The following CCDC88A variants were observed in gnomAD, a reference collection of about 807,000 sequenced individuals.
The protein encoded by CCDC88A is girdin.
In CCDC88A, 54 loss-of-function variants were observed where a neutral mutation model predicts 234.3. The observed-to-expected ratio is 0.23, with a 90% CI of 0.19 to 0.29. The LOEUF is 0.29. CCDC88A is among the 10% of genes least tolerant of loss of function. CCDC88A has a pLI of 1.00. For synonymous variants in CCDC88A, 753 were observed against 737.8 expected, an observed-to-expected ratio of 1.02 and a Z score of -0.33; for missense variants, 1,832 against 2,123.4, an observed-to-expected ratio of 0.86 and a Z score of 2.70.
intron 5 of CCDC88A, among the ~76,000 whole-genome samples, chr2:55,371,563 C>G (rs1410079307): frequency 6.6e-6 from 1 of 152,182 alleles, no homozygotes; most frequent in Non-Finnish European, 1.5e-5. Flanking sequence ...CTTTGGACTA[C>G]TAGCAATATG....
chr2:55,386,749 G>T (rs1675709731), intron 3 of CCDC88A, among the ~76,000 whole-genome samples: 1 of 151,862 alleles, frequency 6.6e-6, no homozygotes, highest in Non-Finnish European at 1.5e-5. Flanking sequence ...TGGGATTACA[G>T]GTGTGAGCCA....
intron 22 of CCDC88A, chr2:55,314,413 G>C (rs980986725): frequency 4.6e-5 from 7 of 151,976 alleles, no homozygotes; most frequent in African/African-American, 1.7e-4. Context: ...AATTTTTTTT[G>C]TTTGTTTGTT....
intron 29 of CCDC88A, among the ~76,000 whole-genome samples, chr2:55,297,340 T>TATAA (rs1385774941): frequency 5.4e-5 from 2 of 36,860 alleles, no homozygotes; most frequent in Non-Finnish European, 9.5e-5. Flanking sequence ...ATATATAAAT[T>TATAA]TATATATTAT....
At position 55,317,911 on chromosome 2, in the gene CCDC88A, C is replaced by G. The variant is rs910656787; in HGVS notation, c.3325-70G>C. ...TGTTCTTTTTCAAAATACAAGATTA[C>G]AATGTTAATTAAAGAAAGCTCTAAA... On this transcript the variant is annotated intron_variant, in intron 19 of 32. Coordinates refer to ENST00000436346, the MANE Select transcript of CCDC88A (RefSeq NM_001365480.1). The surrounding 1 kb of genome is among the most constrained non-coding windows in gnomAD (Gnocchi z 4.2). 6.4e-5 allele frequency: 71 copies of G among 1,103,494 alleles called. No individual in the cohort carries two copies. In the South Asian group the frequency reaches 1.1e-3, roughly 17 times the overall value. The allele number at this position is 1,103,494 out of a possible 1,614,324, so 68.4% of individuals were successfully genotyped here.
chr2:55,299,177 C>A (rs1680584304), intron 29 of CCDC88A, among the ~76,000 whole-genome samples: 1 of 152,174 alleles, frequency 6.6e-6, no homozygotes, highest in South Asian at 2.1e-4. Flanking sequence ...GCACTCCAGC[C>A]TGGGCGACAG....
intron 2 of CCDC88A, among the ~76,000 whole-genome samples, chr2:55,392,705 A>G (rs1205968712): frequency 6.6e-6 from 1 of 152,246 alleles, no homozygotes; most frequent in African/African-American, 2.4e-5. Context: ...CAGGTTGTCT[A>G]CTGGTGCTCT....
intron 22 of CCDC88A, chr2:55,314,391 A>G (rs1355195397): frequency 6.6e-6 from 1 of 152,240 alleles, no homozygotes; most frequent in Non-Finnish European, 1.5e-5. Context: ...GCATATATAA[A>G]GAAAAGAGAA....
At chr2:55,306,418 A>G (rs180934429) in intron 25 of CCDC88A, among the ~76,000 whole-genome samples, 46 of 152,314 alleles carry the variant, frequency 3.0e-4, no homozygotes, top group African/African-American at 9.9e-4. Flanking sequence ...ATATAGAATT[A>G]TAAAACTGCT....
At chr2:55,338,088 A>G (rs994626844) in intron 13 of CCDC88A, among the ~76,000 whole-genome samples, 2 of 152,220 alleles carry the variant, frequency 1.3e-5, no homozygotes, top group Non-Finnish European at 2.9e-5. Context: ...AATCATTTTT[A>G]CAATTAATCA....
At chr2:55,389,159 C>G (rs1166277414) in intron 2 of CCDC88A, among the ~76,000 whole-genome samples, 1 of 152,138 alleles carries the variant, frequency 6.6e-6, no homozygotes. Context: ...ACTCCACATT[C>G]CTGGGATGAA....
At chr2:55,369,985 CATT>C (rs1672581543) in intron 5 of CCDC88A, among the ~76,000 whole-genome samples, 1 of 151,950 alleles carries the variant, frequency 6.6e-6, no homozygotes, top group Non-Finnish European at 1.5e-5. Context: ...CACCCATAAA[CATT>C]AAAAGAAAAA....
At chr2:55,320,262 AG>A (rs1683461054) in intron 18 of CCDC88A, among the ~76,000 whole-genome samples, 1 of 152,200 alleles carries the variant, frequency 6.6e-6, no homozygotes, top group Non-Finnish European at 1.5e-5. Context: ...TTAGCACTTT[AG>A]AAACTAAATT....
chr2:55,295,148 T>C (rs1679876699), intron 31 of CCDC88A: 1 of 1,306,844 alleles, frequency 7.7e-7, no homozygotes, highest in Non-Finnish European at 1.0e-6. Flanking sequence ...GATAGAGGCA[T>C]GCAGAAGTGA....
At chr2:55,396,934 T>C (rs1056079576) in intron 2 of CCDC88A, among the ~76,000 whole-genome samples, 2 of 148,664 alleles carry the variant, frequency 1.3e-5, no homozygotes, top group Admixed American at 6.7e-5. Context: ...GTGTACATCA[T>C]ATATCACTGT....
intron 17 of CCDC88A, chr2:55,323,438 G>C (rs1374597196): frequency 6.6e-6 from 1 of 152,136 alleles, no homozygotes. Context: ...CTACCAATGA[G>C]TTAGAAAATA....
At chr2:55,340,062 TCCTG>T (rs1668286874) in intron 12 of CCDC88A, 1 of 153,086 alleles carries the variant, frequency 6.5e-6, no homozygotes, top group Non-Finnish European at 1.5e-5. Context: ...CAAGCAATCC[TCCTG>T]CCTTGGCCTC....
chr2:55,397,579 T>G (rs190204374), intron 2 of CCDC88A, among the ~76,000 whole-genome samples: 17 of 152,072 alleles, frequency 1.1e-4, no homozygotes, highest in Admixed American at 4.6e-4. Context: ...ATGCATAATA[T>G]TCTAATGAAC....
rs144091714 is a variant in CCDC88A at position 55,383,795 on chromosome 2, T to C, written c.273+4983A>G. Among the ~76,000 whole-genome samples the C allele has an allele frequency of 4.0e-3, 608 of 152,212 alleles. 2 individuals are homozygous for C. The highest frequency in any genetic ancestry group is 0.01 in the Middle Eastern group (3 of 294). ...AATTTAAGGGCTGATGAGAATTCCA[T>C]TGATTTGGAAAATATTAACTTGCAA... On this transcript the variant is annotated intron_variant, in intron 3 of 32. Coordinates refer to ENST00000436346, the MANE Select transcript of CCDC88A (RefSeq NM_001365480.1).
chr2:55,352,033 A>T (rs1574239243), intron 8 of CCDC88A, among the ~76,000 whole-genome samples: 1 of 152,220 alleles, frequency 6.6e-6, no homozygotes, highest in East Asian at 1.9e-4. Flanking sequence ...AAAGTCATGG[A>T]AACAGAAAGC....
Sources: gnomAD v4.1 joint callset for allele counts (sites outside exome capture counted in the v4.1 genomes callset) on GRCh38, gnomAD v4.1.1 for gene constraint, Gnocchi (gnomAD v3.1) non-coding constraint, MANE v1.5 for transcripts, NCBI Gene and HGNC (gene_info 2026-07-23, HGNC 2026-07-21) for gene names.